Variants in DCC observed in about 807,000 individuals in gnomAD.
The protein encoded by DCC is netrin receptor DCC.
In DCC, 58 loss-of-function variants were observed where a neutral mutation model predicts 172.5. The ratio of observed to expected loss-of-function variants is 0.34; its 90% CI spans 0.27 to 0.42. DCC has a LOEUF of 0.42. Among genes scored for constraint, DCC ranks in the 10% least tolerant of loss-of-function variants. The probability of loss-of-function intolerance (pLI) is 1.00; values close to 1 mark genes in which losing one functional copy is unlikely to be tolerated. For missense variants in DCC, 1,740 were observed against 1,791.0 expected (o/e 0.97, Z 0.51); for synonymous variants, 709 against 644.5 (o/e 1.10, Z -1.52).
chr18:53,385,006 C>G (rs1254383556), intron 15 of DCC, among the ~76,000 whole-genome samples: 35 of 145,236 alleles, frequency 2.4e-4, no homozygotes, highest in African/African-American at 8.8e-4. Context: ...GCCACAGTGC[C>G]CGGCTAATTT....
chr18:52,353,990 GGAAAGATAATTTAATAAATCTTTAA>G (rs2144251921), intron 1 of DCC, among the ~76,000 whole-genome samples: 1 of 152,254 alleles, frequency 6.6e-6, no homozygotes, highest in South Asian at 2.1e-4. Flanking sequence ...CTATAGCTTA[GGAAAGATAATTTAATAAATCTTTAA>G]GAAAGAATTA....
intron 12 of DCC, among the ~76,000 whole-genome samples, chr18:53,267,029 T>A (rs1310266871): frequency 6.6e-6 from 1 of 152,018 alleles, no homozygotes; most frequent in Non-Finnish European, 1.5e-5. Context: ...TGTTTCTTTT[T>A]GGTAGACAAC....
chr18:53,509,186 G>A (rs1053629049), intron 27 of DCC, among the ~76,000 whole-genome samples: 1 of 152,204 alleles, frequency 6.6e-6, no homozygotes, highest in African/African-American at 2.4e-5. Flanking sequence ...TAAGAAGTGA[G>A]GAGTAGGAAG....
At chr18:52,559,873 G>T (rs1318644482) in intron 1 of DCC, among the ~76,000 whole-genome samples, 1 of 152,200 alleles carries the variant, frequency 6.6e-6, no homozygotes, top group African/African-American at 2.4e-5. Flanking sequence ...CAGGCAGGCA[G>T]AGGAGGAGTT....
At position 52,571,338 on chromosome 18, in the gene DCC, C is replaced by T. The variant is rs983899837; in HGVS notation, c.92-180716C>T. ...TGGGGGAATCACCCTATATATATTA[C>T]GGGTAACTTCCAGAGAAAAGGGCAA... is the stretch of plus-strand genomic sequence containing the variant. On this transcript the variant is annotated intron_variant, in intron 1 of 28. Coordinates refer to ENST00000442544, the MANE Select transcript of DCC (RefSeq NM_005215.4). 5.0e-5 allele frequency among the ~76,000 whole-genome samples: 7 copies of T among 140,370 alleles called. No individual in the cohort carries two copies. The East Asian group carries it at 5.8e-4, about 12-fold the overall frequency. 92.1% of individuals were successfully genotyped at this position (140,370 alleles called of 152,430 possible).
intron 7 of DCC, among the ~76,000 whole-genome samples, chr18:53,123,305 G>C (rs1249331751): frequency 6.6e-6 from 1 of 152,052 alleles, no homozygotes; most frequent in Non-Finnish European, 1.5e-5. Context: ...GTGGAGGATT[G>C]AGTGCTGGTG....
intron 18 of DCC, among the ~76,000 whole-genome samples, chr18:53,402,550 A>C (rs2145036666): frequency 6.6e-6 from 1 of 152,246 alleles, no homozygotes; most frequent in Middle Eastern, 3.4e-3. Flanking sequence ...ATATTCACAC[A>C]TACTCTCTTC....
chr18:52,962,777 A>T (rs2040863849), intron 5 of DCC, among the ~76,000 whole-genome samples: 1 of 152,070 alleles, frequency 6.6e-6, no homozygotes, highest in South Asian at 2.1e-4. Flanking sequence ...ATGCAGCCAT[A>T]AAAAATGATG....
chr18:52,769,558 CAGA>C (rs144291029), intron 2 of DCC, among the ~76,000 whole-genome samples: 101 of 152,188 alleles, frequency 6.6e-4, no homozygotes, highest in African/African-American at 2.4e-3. Context: ...CTTCATGGAG[CAGA>C]AGTTTTTAAT....
At chr18:52,451,915 T>A (rs1988317996) in intron 1 of DCC, among the ~76,000 whole-genome samples, 1 of 152,188 alleles carries the variant, frequency 6.6e-6, no homozygotes, top group Non-Finnish European at 1.5e-5. Flanking sequence ...TCTGCTTCTG[T>A]CTTCTCTCTA....
At chr18:53,016,514 A>G (rs573805156) in intron 5 of DCC, among the ~76,000 whole-genome samples, 1 of 152,240 alleles carries the variant, frequency 6.6e-6, no homozygotes, top group South Asian at 2.1e-4. Flanking sequence ...AAAAACTGAA[A>G]ACGTCTGTTA....
Position 52,924,477 on chromosome 18 carries a change from A to G in DCC, c.848+620A>G, listed in dbSNP as rs577491529. ...AGCTATAACAAATATTTAAGGGAAG[A>G]CAGAATAACTTGGCTGGCTTTGAAT... On this transcript the variant is annotated intron_variant, in intron 4 of 28. Transcript: ENST00000442544. Among the ~76,000 whole-genome samples the G allele has an allele frequency of 5.9e-5, 9 of 152,216 alleles. No homozygotes were observed. The East Asian group carries it at 1.7e-3, about 29-fold the overall frequency.
intron 1 of DCC, among the ~76,000 whole-genome samples, chr18:52,365,467 C>T (rs1984804681): frequency 6.6e-6 from 1 of 152,110 alleles, no homozygotes; most frequent in Non-Finnish European, 1.5e-5. Flanking sequence ...TTCCCTTTTT[C>T]TCTATCTTAA....
intron 1 of DCC, among the ~76,000 whole-genome samples, chr18:52,633,203 G>A (rs1394220261): frequency 3.3e-5 from 5 of 151,708 alleles, no homozygotes; most frequent in African/African-American, 1.2e-4. Context: ...CACATTTTGA[G>A]AGCTTATCTT....
Position 53,452,484 on chromosome 18 carries a change from C to A in DCC, c.3392+1822C>A, listed in dbSNP as rs568381592. On this transcript the variant is annotated intron_variant, in intron 23 of 28. Coordinates refer to ENST00000442544, the MANE Select transcript of DCC (RefSeq NM_005215.4). ...ATTTTGTTTCTCCACAGAGAGAACA[C>A]CAGTCTTCTCAATGTGCAAAAGTGG... Among the ~76,000 whole-genome samples the A allele has an allele frequency of 4.6e-5, 7 of 152,234 alleles. 1 individual carries two copies. The South Asian group carries it at 1.5e-3, about 32-fold the overall frequency.
intron 5 of DCC, among the ~76,000 whole-genome samples, chr18:52,953,325 G>A (rs574151235): frequency 6.6e-6 from 1 of 152,180 alleles, no homozygotes; most frequent in Admixed American, 6.5e-5. Context: ...TTGCCCCACC[G>A]CTGTTAGAGC....
intron 2 of DCC, among the ~76,000 whole-genome samples, chr18:52,828,147 C>G (rs1358529371): frequency 2.0e-5 from 3 of 152,084 alleles, no homozygotes; most frequent in African/African-American, 7.2e-5. Flanking sequence ...CATGTTACTC[C>G]TCAGTTCATA....
intron 2 of DCC, among the ~76,000 whole-genome samples, chr18:52,809,620 G>A (rs1193987788): frequency 6.6e-6 from 1 of 152,194 alleles, no homozygotes; most frequent in Non-Finnish European, 1.5e-5. Flanking sequence ...GGATCTGGAG[G>A]GGTGGAAATC....
chr18:52,984,893 T>C (rs1187272493), intron 5 of DCC, among the ~76,000 whole-genome samples: 1 of 152,152 alleles, frequency 6.6e-6, no homozygotes, highest in Non-Finnish European at 1.5e-5. Flanking sequence ...TATTTGACTA[T>C]GACTTTCCAT....
Sources: gnomAD v4.1 joint callset for allele counts (sites outside exome capture counted in the v4.1 genomes callset) on GRCh38, gnomAD v4.1.1 for gene constraint, MANE v1.5 for transcripts, NCBI Gene and HGNC (gene_info 2026-07-23, HGNC 2026-07-21) for gene names.